The following BCOR variants were observed in gnomAD, a reference collection of about 807,000 sequenced individuals.
BCOR encodes BCL-6 corepressor.
BCOR carries 10 observed loss-of-function variants against 86.7 expected under a neutral mutation model. The observed-to-expected ratio is 0.12, with a 90% CI of 0.07 to 0.20. The LOEUF (loss-of-function observed/expected upper bound fraction) is 0.20, where lower values mean the gene tolerates loss of function less well. BCOR is among the 10% of genes least tolerant of loss of function. BCOR has a pLI of 1.00. For missense variants in BCOR, 1,259 were observed against 1,452.1 expected (o/e 0.87, Z 2.16); for synonymous variants, 611 against 609.0 (o/e 1.00, Z -0.05).
intron 1 of BCOR, among the ~76,000 whole-genome samples, chrX:40,107,389 G>C (rs1411470140): frequency 8.9e-6 from 1 of 111,818 alleles, no homozygotes; most frequent in Admixed American, 9.3e-5. Context: ...TCCAACCTTG[G>C]AGCGAGAGAG....
intron 1 of BCOR, among the ~76,000 whole-genome samples, chrX:40,175,269 G>A (rs774029554): frequency 6.3e-4 from 71 of 113,421 alleles, no homozygotes; most frequent in Admixed American, 1.4e-3. Flanking sequence ...ACCAGGCCCC[G>A]GCTGGCCCCG....
chrX:40,168,592 G>T (rs1938553101), intron 1 of BCOR, among the ~76,000 whole-genome samples: 1 of 112,289 alleles, frequency 8.9e-6, no homozygotes, highest in Non-Finnish European at 1.9e-5. Flanking sequence ...GGGGTGCTCC[G>T]GCGGTGCGCG....
intron 1 of BCOR, among the ~76,000 whole-genome samples, chrX:40,170,095 C>T (rs1284929230): frequency 8.9e-6 from 1 of 111,967 alleles, no homozygotes; most frequent in Non-Finnish European, 1.9e-5. Flanking sequence ...TTAACAACTC[C>T]AGGCCTTCAA....
chrX:40,085,105 G>A (rs1936297481), intron 1 of BCOR, among the ~76,000 whole-genome samples: 2 of 113,233 alleles, frequency 1.8e-5, no homozygotes, highest in African/African-American at 6.4e-5. Context: ...ACACCGCCAA[G>A]GTTAAAATGC....
At chrX:40,062,429 C>T (rs1386304114) in intron 9 of BCOR, 36 bp from the exon 10 acceptor site, 1 of 1,189,175 alleles carries the variant, frequency 8.4e-7, no homozygotes, top group Non-Finnish European at 1.1e-6. Flanking sequence ...CGGTTAAGCC[C>T]GTGTCCTTCT....
At chrX:40,063,110 G>GGGGGGGGGGGGC in intron 8 of BCOR, 39 bp from the exon 9 acceptor site, 1 of 644,541 alleles carries the variant, frequency 1.6e-6, no homozygotes, top group Non-Finnish European at 2.2e-6. Context: ...GGGCGGATGG[G>GGGGGGGGGGGGC]AGACGGGAGA....
intron 1 of BCOR, among the ~76,000 whole-genome samples, chrX:40,145,874 C>A (rs745806446): frequency 8.9e-6 from 1 of 111,844 alleles, no homozygotes; most frequent in South Asian, 3.8e-4. Context: ...CTTGGGAGAC[C>A]CCGGTGGGGA....
Position 40,074,815 on chromosome X carries a change from G to C in BCOR, c.531C>G (p.Ser177Arg), listed in dbSNP as rs1347241602. 1 of 1,211,888 alleles carries C rather than the reference G, an allele frequency of 8.3e-7. No individual in the cohort carries two copies. Among genetic ancestry groups the C allele is most frequent in the Non-Finnish European group, 1.1e-6 (1 of 895,527 alleles). Residue 177 changes from serine to arginine, a missense_variant, in exon 4 of 15, where the codon AGC (serine) becomes AGG (arginine). Physicochemically the swap from Ser to Arg is moderately radical, Grantham distance 110 (BLOSUM62 -1). Coordinates refer to ENST00000378444, the MANE Select transcript of BCOR (RefSeq NM_001123385.2). ...GLDRPASDKQSPLNINGASYL... is the reference protein window; with the variant it reads ...GLDRPASDKQRPLNINGASYL... ...AACTAGCACCATTGATGTTGAGAGG[G>C]CTCTGTTTGTCGCTGGCAGGCCTGT...
chrX:40,168,929 C>G (rs1308065791), intron 1 of BCOR, among the ~76,000 whole-genome samples: 3 of 112,750 alleles, frequency 2.7e-5, no homozygotes, highest in Admixed American at 9.3e-5. Context: ...CCCGCCCGCC[C>G]GCCCTGGCCG....
At position 40,139,470 on chromosome X, in the gene BCOR, TA is replaced by T. The variant is rs1370210719; in HGVS notation, c.-41+37536del. On this transcript the variant is annotated intron_variant, in intron 1 of 14. Transcript: ENST00000342274. ...TAATATATATACATATATATATATA[TA>T]TATATATATATATATATATATATAT... Among the ~76,000 whole-genome samples, 3 of 8,268 alleles carry T rather than the reference TA, an allele frequency of 3.6e-4. 1 individual carries two copies. The highest frequency in any genetic ancestry group is 4.8e-4 in the Non-Finnish European group (3 of 6,288). The allele number at this position is 8,268 out of a possible 115,157, so 7.2% of individuals were successfully genotyped here.
intron 1 of BCOR, among the ~76,000 whole-genome samples, chrX:40,128,713 A>G (rs1287443427): frequency 9.0e-6 from 1 of 111,563 alleles, no homozygotes; most frequent in African/African-American, 3.3e-5. Flanking sequence ...CTGCCCTCCA[A>G]TAATAAGTGG....
At chrX:40,066,645 C>T (rs770280723) in intron 6 of BCOR, among the ~76,000 whole-genome samples, 6 of 111,835 alleles carry the variant, frequency 5.4e-5, no homozygotes, top group South Asian at 7.4e-4. Flanking sequence ...GCCAATCAGC[C>T]GCCCCTGAAA....
chrX:40,169,203 G>C (rs778626601), intron 1 of BCOR, among the ~76,000 whole-genome samples: 14 of 112,897 alleles, frequency 1.2e-4, no homozygotes, highest in Non-Finnish European at 7.5e-5. Context: ...AGGCTCCTCA[G>C]CTGCACAAGA....
At chrX:40,128,936 T>C (rs994230039) in intron 1 of BCOR, among the ~76,000 whole-genome samples, 2 of 96,012 alleles carry the variant, frequency 2.1e-5, no homozygotes, top group Non-Finnish European at 4.6e-5. Flanking sequence ...GTACCTACTA[T>C]GTACTTGTTG....
At chrX:40,154,513 G>A (rs1938243994) in intron 1 of BCOR, among the ~76,000 whole-genome samples, 1 of 110,790 alleles carries the variant, frequency 9.0e-6, no homozygotes, top group Admixed American at 9.5e-5. Flanking sequence ...TCTCCCGAGA[G>A]AGGGAGCGAG....
At chrX:40,089,334 G>A (rs1250222291) in intron 1 of BCOR, among the ~76,000 whole-genome samples, 1 of 111,862 alleles carries the variant, frequency 8.9e-6, no homozygotes, top group Non-Finnish European at 1.9e-5. Flanking sequence ...ATGGGCCACG[G>A]TCAAACTCAG....
At chrX:40,075,235 C>G (rs6610384) in intron 3 of BCOR, 55 bp from the exon 4 acceptor site, 1 of 1,059,264 alleles carries the variant, frequency 9.4e-7, no homozygotes, top group South Asian at 2.0e-5. Context: ...GGCAGCAGCA[C>G]CCAAAGACAC....
At chrX:40,055,637 A>AG in intron 11 of BCOR, 124 bp from the exon 12 acceptor site, 2 of 769,704 alleles carry the variant, frequency 2.6e-6, no homozygotes, top group Non-Finnish European at 1.9e-6. Flanking sequence ...GAGCCTCCTA[A>AG]GCACAGTATT....
chrX:40,114,625 T>A (rs991118751), intron 1 of BCOR, among the ~76,000 whole-genome samples: 5 of 111,535 alleles, frequency 4.5e-5, no homozygotes, highest in African/African-American at 1.6e-4. Flanking sequence ...CCTGGGCAAT[T>A]GGAGTTCTCT....
Sources: allele counts gnomAD v4.1 joint callset (sites outside exome capture counted in the v4.1 genomes callset), GRCh38; gene constraint gnomAD v4.1.1; transcripts MANE v1.5; gene names NCBI Gene and HGNC (gene_info 2026-07-23, HGNC 2026-07-21).